The following TRPM8 variants were observed in gnomAD, a reference collection of about 807,000 sequenced individuals.
The protein encoded by TRPM8 is TRPM8 cationic channel.
In TRPM8, 110 loss-of-function variants were observed where a neutral mutation model predicts 133.7. The observed-to-expected ratio is 0.82, with a 90% confidence interval of 0.70 to 0.96. TRPM8 has a LOEUF of 0.96. TRPM8 is among the 40% of genes least tolerant of loss of function. The probability of loss-of-function intolerance (pLI) is 0.00; values close to 1 mark genes in which losing one functional copy is unlikely to be tolerated. For missense variants in TRPM8, 1,291 were observed against 1,379.5 expected, an observed-to-expected ratio of 0.94 and a Z score of 1.02; for synonymous variants, 535 against 532.3, an observed-to-expected ratio of 1.01 and a Z score of -0.07.
chr2:233,937,707 G>A (rs1350636828), intron 4 of TRPM8, among the ~76,000 whole-genome samples, 198 bp downstream of exon 4: 1 of 152,132 alleles, frequency 6.6e-6, no homozygotes, highest in Admixed American at 6.5e-5. Flanking sequence ...AAACTCAACA[G>A]GTTAAGGACT....
At chr2:233,971,177 T>C (rs1022363264) in intron 17 of TRPM8, among the ~76,000 whole-genome samples, 3 of 152,190 alleles carry the variant, frequency 2.0e-5, no homozygotes, top group Admixed American at 6.5e-5. Context: ...ATACATCAAT[T>C]CAGCAAGTGT....
At chr2:233,978,201 G>GTC (rs919845125) in intron 17 of TRPM8, among the ~76,000 whole-genome samples, 1 of 65,912 alleles carries the variant, frequency 1.5e-5, no homozygotes, top group African/African-American at 6.3e-5. Context: ...ATATTATAGT[G>GTC]TGTGTGTGTG....
At chr2:233,954,996 G>A in intron 10 of TRPM8, 136 bp from the exon 11 acceptor site, 3 of 647,304 alleles carry the variant, frequency 4.6e-6, no homozygotes, top group East Asian at 2.7e-5. Context: ...GTGAATGACA[G>A]TTTGAGTGTC....
chr2:233,961,841 G>A (rs1170161384), intron 12 of TRPM8, among the ~76,000 whole-genome samples: 1 of 152,000 alleles, frequency 6.6e-6, no homozygotes, highest in Non-Finnish European at 1.5e-5. Context: ...TGTTGGCCAG[G>A]CTGGTCTCGA....
chr2:234,010,152 C>T lies in TRPM8; in HGVS notation c.3264+2049C>T, dbSNP rs190782438. On this transcript the variant is annotated intron_variant, in intron 24 of 25. Transcript: ENST00000324695. ...CACCTGATTTGCCCCTCCTTCTTAG[C>T]CCCAGCGACCACCGTGCTACTCTCT... 2.3e-3 allele frequency among the ~76,000 whole-genome samples: 355 copies of T among 151,968 alleles called. 2 individuals are homozygous for T. Among genetic ancestry groups the T allele is most frequent in the Non-Finnish European group, 1.2e-3 (80 of 67,936 alleles).
chr2:233,938,947 A>G (rs1474386009), intron 4 of TRPM8, 51 bp from the exon 5 acceptor site: 1 of 1,582,780 alleles, frequency 6.3e-7, no homozygotes, highest in Non-Finnish European at 8.6e-7. Context: ...CTAAACCCCG[A>G]CCTCAGGAGA....
chr2:233,966,685 G>T lies in TRPM8; in HGVS notation c.1955G>T (p.Gly652Val). 2 of 1,613,926 alleles carry T rather than the reference G, an allele frequency of 1.2e-6. No individual in the cohort carries two copies. Among genetic ancestry groups the T allele is most frequent in the South Asian group, 1.1e-5 (1 of 91,016 alleles). The change falls in exon 15 of 26, where the codon GGT becomes GTT. Residue 652 changes from glycine to valine, a missense_variant. Gly to Val is a moderately radical substitution (Grantham distance 109). This residue lies in a region of TRPM8 where 963 missense variants were observed against 968.9 expected (regional missense o/e 0.99). Coordinates refer to ENST00000324695, the MANE Select transcript of TRPM8 (RefSeq NM_024080.5). ...CTGGTCTATTCCTGTGAAGCTTGGG[G>T]TGGAAGCAACTGTCTGGAGCTGGCG... ...QLLVYSCEAW[G>V]GSNCLELAVE... is the part of the protein sequence containing the mutation.
At chr2:233,972,525 G>A (rs775081205) in intron 17 of TRPM8, among the ~76,000 whole-genome samples, 7 of 152,228 alleles carry the variant, frequency 4.6e-5, no homozygotes, top group East Asian at 1.9e-4. Flanking sequence ...AGGGGGTGGC[G>A]CTCGTGGAGG....
intron 24 of TRPM8, 42 bp downstream of exon 24, chr2:234,008,145 T>C: frequency 1.3e-6 from 2 of 1,545,612 alleles, no homozygotes; most frequent in South Asian, 2.4e-5. Context: ...TTTTTTTTGG[T>C]CACTAATACT....
At chr2:233,984,369 C>T (rs1267571905) in intron 20 of TRPM8, among the ~76,000 whole-genome samples, 1 of 152,152 alleles carries the variant, frequency 6.6e-6, no homozygotes, top group Non-Finnish European at 1.5e-5. Context: ...CGCACCTTGG[C>T]ACATCCTAAT....
chr2:233,953,899 GT>G lies in TRPM8; in HGVS notation c.1141-16del. 6.3e-7 allele frequency: 1 copy of G among 1,599,660 alleles called. No homozygotes were observed. The highest frequency in any genetic ancestry group is 8.5e-7 in the Non-Finnish European group (1 of 1,170,048). On this transcript the variant is annotated splice_polypyrimidine_tract_variant and intron_variant, in intron 9 of 25. Coordinates refer to ENST00000324695, the MANE Select transcript of TRPM8 (RefSeq NM_024080.5). Reference sequence around the variant, plus strand: ...CCTAAAATCTGTTGGCTGACACTTTGTTCTTTAATTTCGCCAGCTCAAAGAA... The same window carrying G: ...CCTAAAATCTGTTGGCTGACACTTTGTCTTTAATTTCGCCAGCTCAAAGAA...
Position 234,019,271 on chromosome 2 carries a change from A to G in TRPM8, c.*2015A>G, listed in dbSNP as rs1183512299. 1.3e-5 allele frequency: 2 copies of G among 152,330 alleles called. No homozygotes were observed. Among genetic ancestry groups the G allele is most frequent in the Admixed American group, 6.5e-5 (1 of 15,306 alleles). The allele number at this position is 152,330 out of a possible 1,614,324, so 9.4% of individuals were successfully genotyped here. On this transcript the variant is annotated 3_prime_UTR_variant, in exon 26 of 26. Coordinates refer to ENST00000324695, the MANE Select transcript of TRPM8 (RefSeq NM_024080.5). ...AATACTGAGAAGCAACTTGCATTAGAGAGGGAACTGTTAAATGTTTTCAAC... is the reference window on the plus strand; with the variant it reads ...AATACTGAGAAGCAACTTGCATTAGGGAGGGAACTGTTAAATGTTTTCAAC...
intron 1 of TRPM8, among the ~76,000 whole-genome samples, chr2:233,919,547 T>G (rs1691368382): frequency 6.6e-6 from 1 of 152,042 alleles, no homozygotes; most frequent in African/African-American, 2.4e-5. Flanking sequence ...TGTGCCTTGG[T>G]TTGTCATCCA....
At chr2:233,941,744 G>A (rs1385297503) in intron 5 of TRPM8, among the ~76,000 whole-genome samples, 2 of 152,226 alleles carry the variant, frequency 1.3e-5, no homozygotes, top group South Asian at 2.1e-4. Flanking sequence ...GCCCCCCGCC[G>A]CAATAAAACC....
At chr2:233,982,747 A>G (rs1382564177) in intron 19 of TRPM8, among the ~76,000 whole-genome samples, 1 of 152,224 alleles carries the variant, frequency 6.6e-6, no homozygotes, top group African/African-American at 2.4e-5. Context: ...AGGTCCTCCA[A>G]AACTTAGATT....
intron 6 of TRPM8, among the ~76,000 whole-genome samples, chr2:233,943,510 T>C (rs1285256819): frequency 1.3e-5 from 2 of 152,178 alleles, no homozygotes; most frequent in African/African-American, 4.8e-5. Flanking sequence ...TAGGTGGGAA[T>C]TGAACAATGA....
At chr2:233,963,221 G>C (rs1161155006) in intron 12 of TRPM8, 61 bp from the exon 13 acceptor site, 14 of 1,161,116 alleles carry the variant, frequency 1.2e-5, no homozygotes, top group Non-Finnish European at 1.7e-5. Flanking sequence ...CTCTCCTAGG[G>C]CTTCCTGATC....
At chr2:233,959,241 G>A (rs928577664) in intron 11 of TRPM8, among the ~76,000 whole-genome samples, 4 of 151,930 alleles carry the variant, frequency 2.6e-5, no homozygotes, top group Admixed American at 1.3e-4. Flanking sequence ...GACGAGGCTG[G>A]TCTCGAACTC....
Position 233,947,165 on chromosome 2 carries a change from G to T in TRPM8, c.942+10G>T. 2 of 1,613,876 alleles carry T rather than the reference G, an allele frequency of 1.2e-6. No homozygotes were observed. Among genetic ancestry groups the T allele is most frequent in the Admixed American group, 1.7e-5 (1 of 60,028 alleles). Reference sequence around the variant, plus strand: ...AAAAGAGACTTTGAAAGTGAGTCCTGATTTAGTTTTCTAGAAGGTTGGCTA... The same window carrying T: ...AAAAGAGACTTTGAAAGTGAGTCCTTATTTAGTTTTCTAGAAGGTTGGCTA... On this transcript the variant is annotated intron_variant, in intron 8 of 25. Transcript: ENST00000324695.
Sources: allele counts gnomAD v4.1 joint callset (sites outside exome capture counted in the v4.1 genomes callset), GRCh38; gene constraint gnomAD v4.1.1; regional missense constraint gnomAD v4.1.1; transcripts MANE v1.5; gene names NCBI Gene and HGNC (gene_info 2026-07-23, HGNC 2026-07-21).